LRP6: variants seen among roughly 807,000 people sequenced by gnomAD.
LRP6 encodes low-density lipoprotein receptor-related protein 6.
LRP6 carries 43 observed loss-of-function variants against 184.1 expected under a neutral mutation model. The observed-to-expected ratio is 0.23, with a 90% CI of 0.18 to 0.30. LRP6 has a LOEUF of 0.30. Among genes scored for constraint, LRP6 ranks in the 10% least tolerant of loss-of-function variants. The probability of loss-of-function intolerance (pLI) is 1.00; values close to 1 mark genes in which losing one functional copy is unlikely to be tolerated. For missense variants in LRP6, 1,571 were observed against 2,005.3 expected (o/e 0.78, Z 4.14); for synonymous variants, 719 against 684.9 (o/e 1.05, Z -0.78).
At chr12:12,130,406 G>A (rs561946831) in intron 19 of LRP6, among the ~76,000 whole-genome samples, 19 of 151,988 alleles carry the variant, frequency 1.3e-4, no homozygotes, top group Middle Eastern at 3.4e-3. Flanking sequence ...GGCTGGTCTC[G>A]AACTCCTGAC....
chr12:12,138,634 A>G, intron 15 of LRP6, 100 bp from the exon 16 acceptor site: 2 of 1,309,488 alleles, frequency 1.5e-6, no homozygotes, highest in Non-Finnish European at 2.2e-6. Flanking sequence ...CAGGTAGAGA[A>G]AAGAAAAAAA....
intron 7 of LRP6, among the ~76,000 whole-genome samples, chr12:12,171,300 A>G (rs943778098): frequency 1.3e-5 from 2 of 152,166 alleles, no homozygotes; most frequent in African/African-American, 4.8e-5. Flanking sequence ...GCGGATCACC[A>G]GGTCAGGAGA....
intron 12 of LRP6, 38 bp from the exon 13 acceptor site, chr12:12,151,076 AC>A (rs750938991): frequency 6.8e-7 from 1 of 1,476,106 alleles, no homozygotes; most frequent in South Asian, 1.2e-5. Context: ...AAATCTAGTT[AC>A]CCTACATCCT....
chr12:12,226,115 G>T (rs1864616290), intron 2 of LRP6, among the ~76,000 whole-genome samples: 1 of 152,182 alleles, frequency 6.6e-6, no homozygotes, highest in African/African-American at 2.4e-5. Flanking sequence ...GGGATGAAAA[G>T]AACTGAGAAG....
At chr12:12,262,864 C>T (rs1439909502) in intron 1 of LRP6, among the ~76,000 whole-genome samples, 1 of 152,138 alleles carries the variant, frequency 6.6e-6, no homozygotes, top group Admixed American at 6.5e-5. Flanking sequence ...AATTAACCTA[C>T]CTTTATTAAA....
chr12:12,202,552 C>T (rs535248313), intron 3 of LRP6, among the ~76,000 whole-genome samples: 5 of 152,204 alleles, frequency 3.3e-5, no homozygotes, highest in African/African-American at 4.8e-5. Context: ...AAAATAAATA[C>T]GTAAATAAAT....
chr12:12,225,386 T>C (rs1417430514), intron 2 of LRP6, among the ~76,000 whole-genome samples: 3 of 152,088 alleles, frequency 2.0e-5, no homozygotes, highest in Admixed American at 6.5e-5. Context: ...GACAAGGTGA[T>C]AACAAAGGAT....
In LRP6 at chr12:12,164,586, G is replaced by T. The variant is rs115801696; in HGVS notation, c.1763-24C>A. On this transcript the variant is annotated intron_variant, in intron 8 of 22. Transcript: ENST00000261349. ...ACCTAAAAGATTAATTATAAAAGGG[G>T]CACAGAAGGACACACACATTGATAC... 1,532 of 1,611,238 alleles carry T rather than the reference G, an allele frequency of 9.5e-4. 11 individuals carry two copies. The African/African-American group carries it at 0.018, about 19-fold the overall frequency.
chr12:12,161,580 CTTTTA>C, intron 10 of LRP6, among the ~76,000 whole-genome samples: 1 of 152,216 alleles, frequency 6.6e-6, no homozygotes, highest in Non-Finnish European at 1.5e-5. Context: ...CTGTTGACTT[CTTTTA>C]TAAGTGGAAT....
At chr12:12,238,221 A>C (rs1164040233) in intron 2 of LRP6, among the ~76,000 whole-genome samples, 1 of 137,870 alleles carries the variant, frequency 7.3e-6, no homozygotes, top group Non-Finnish European at 1.6e-5. Context: ...GGCAGGTACA[A>C]AAGAAAAAAA....
chr12:12,149,391 G>A (rs1421050694), intron 13 of LRP6, among the ~76,000 whole-genome samples: 1 of 152,106 alleles, frequency 6.6e-6, no homozygotes. Flanking sequence ...CAGATTAGTT[G>A]CTCCAAGAAC....
intron 4 of LRP6, 112 bp downstream of exon 4, chr12:12,186,811 C>T: frequency 1.0e-6 from 1 of 971,924 alleles, no homozygotes; most frequent in Non-Finnish European, 1.7e-6. Flanking sequence ...TTTTTTATTC[C>T]CGCCAACTAT....
At chr12:12,161,363 AT>A (rs1243800293) in intron 10 of LRP6, among the ~76,000 whole-genome samples, 2 of 151,978 alleles carry the variant, frequency 1.3e-5, no homozygotes, top group Non-Finnish European at 2.9e-5. Context: ...CACCTCCCAG[AT>A]TCAAACAATT....
intron 2 of LRP6, among the ~76,000 whole-genome samples, chr12:12,219,222 T>G (rs750814048): frequency 6.6e-6 from 1 of 152,298 alleles, no homozygotes; most frequent in Non-Finnish European, 1.5e-5. Flanking sequence ...TTGTTTGTTT[T>G]TTGAGACAGT....
At chr12:12,157,744 A>C (rs1375187194) in intron 12 of LRP6, among the ~76,000 whole-genome samples, 6 of 152,172 alleles carry the variant, frequency 3.9e-5, no homozygotes, top group Non-Finnish European at 7.4e-5. Context: ...ACTTTCCATC[A>C]TATTGACCCA....
intron 2 of LRP6, among the ~76,000 whole-genome samples, chr12:12,209,058 T>C (rs1864140154): frequency 1.3e-5 from 2 of 152,218 alleles, no homozygotes; most frequent in Admixed American, 6.5e-5. Context: ...CACTGCAATA[T>C]CTACTAATCT....
rs372491594 is a variant in LRP6 at position 12,187,574 on chromosome 12, T to G, written c.648-455A>C. The G allele has an allele frequency of 3.5e-5, 7 of 198,172 alleles. No homozygotes were observed. In the East Asian group the frequency reaches 4.8e-4, roughly 14 times the overall value. 12.3% of individuals were successfully genotyped at this position (198,172 alleles called of 1,614,324 possible). A position where few individuals can be genotyped will look rare whatever the true frequency, so the allele number is the denominator to read the frequency against. On this transcript the variant is annotated intron_variant, in intron 3 of 22. Coordinates refer to ENST00000261349, the MANE Select transcript of LRP6 (RefSeq NM_002336.3). Reference sequence around the variant, plus strand: ...AGATTTATATCAGCAATAGGTTTTTTCCTTCTTGATGTGGAAGAACAAAGA... The same window carrying G: ...AGATTTATATCAGCAATAGGTTTTTGCCTTCTTGATGTGGAAGAACAAAGA...
chr12:12,135,006 G>A (rs1949813139), intron 17 of LRP6, among the ~76,000 whole-genome samples, 169 bp downstream of exon 17: 1 of 152,108 alleles, frequency 6.6e-6, no homozygotes, highest in Admixed American at 6.6e-5. Context: ...TGGGCAGGGT[G>A]GCAGAGAAGA....
intron 3 of LRP6, among the ~76,000 whole-genome samples, chr12:12,191,748 T>C (rs1403483683): frequency 6.6e-6 from 1 of 151,682 alleles, no homozygotes; most frequent in East Asian, 1.9e-4. Context: ...GGGACAGAAC[T>C]TGAAAGAATG....
Sources: allele counts gnomAD v4.1 joint callset (sites outside exome capture counted in the v4.1 genomes callset), GRCh38; gene constraint gnomAD v4.1.1; transcripts MANE v1.5; gene names NCBI Gene and HGNC (gene_info 2026-07-23, HGNC 2026-07-21).